The following USP14 variants were observed in gnomAD, a reference collection of about 807,000 sequenced individuals.
USP14 encodes ubiquitin specific peptidase 14, also known as ubiquitin carboxyl-terminal hydrolase 14.
In USP14, 38 loss-of-function variants were observed where a neutral mutation model predicts 76.5. The observed-to-expected ratio is 0.50, with a 90% confidence interval of 0.38 to 0.65. The LOEUF (loss-of-function observed/expected upper bound fraction) is 0.65, where lower values mean the gene tolerates loss of function less well. Ranked by LOEUF, USP14 falls within the 30% of genes least tolerant of loss-of-function variation. USP14 has a pLI of 0.00. For synonymous variants in USP14, 192 were observed against 191.7 expected (o/e 1.00, Z -0.01); for missense variants, 467 against 586.5 (o/e 0.80, Z 2.10).
In USP14 at chr18:204,631, T is replaced by G. The variant is rs1192535304; in HGVS notation, c.1103T>G (p.Val368Gly). The G allele has an allele frequency of 6.2e-7, 1 of 1,613,454 alleles. No homozygotes were observed. Among genetic ancestry groups the G allele is most frequent in the Admixed American group, 1.7e-5 (1 of 59,946 alleles). ...LCTPELQEKMVSFRSKFKDLE... is the reference protein window; with the variant it reads ...LCTPELQEKMGSFRSKFKDLE... ...ACACCAGAACTTCAAGAGAAAATGGTGTCTTTTCGATCCAAATTCAAGGAT... is the reference window on the plus strand; with the variant it reads ...ACACCAGAACTTCAAGAGAAAATGGGGTCTTTTCGATCCAAATTCAAGGAT... The change falls in exon 13 of 16, where the codon GTG (valine) becomes GGG (glycine). Residue 368 changes from valine (V) to glycine (G), a missense_variant. Val to Gly is a moderately radical substitution (Grantham distance 109). Coordinates refer to ENST00000261601, the MANE Select transcript of USP14 (RefSeq NM_005151.4).
In USP14 at chr18:163,430, A is replaced by G; in HGVS notation, c.139A>G (p.Met47Val). Residue 47 changes from methionine (M) to valine (V), a missense_variant, in exon 2 of 16, where the codon ATG becomes GTG. Coordinates refer to ENST00000261601, the MANE Select transcript of USP14 (RefSeq NM_005151.4). Reference sequence around the variant, plus strand: ...AGTCCAGCCTGCCAGACAGAAAGTTATGGTGAAAGGAGGAACGCTAAAGGT... The same window carrying G: ...AGTCCAGCCTGCCAGACAGAAAGTTGTGGTGAAAGGAGGAACGCTAAAGGT... Reference protein sequence around the residue: ...TGVQPARQKVMVKGGTLKDDD... With the variant: ...TGVQPARQKVVVKGGTLKDDD... 1.2e-6 allele frequency: 2 copies of G among 1,613,808 alleles called. No individual in the cohort carries two copies. Among genetic ancestry groups the G allele is most frequent in the Non-Finnish European group, 8.5e-7 (1 of 1,179,860 alleles).
intron 7 of USP14, 33 bp from the exon 8 acceptor site, chr18:197,583 G>T: frequency 1.9e-6 from 3 of 1,551,802 alleles, no homozygotes; most frequent in Non-Finnish European, 2.7e-6. Context: ...TTCACTGCCA[G>T]GATTACTTAC....
chr18:210,007 T>TATG lies in USP14; in HGVS notation c.1203_1205dup (p.Tyr401_Glu402insAsp). On this transcript the variant is annotated inframe_insertion, in exon 14 of 16. Transcript: ENST00000261601. ...GAGTAGTCCCCAGAAAGAAGTTAAG[T>TATG]ATGAACCCTTTTCTTTTGCTGATGG... The TATG allele has an allele frequency of 6.2e-7, 1 of 1,607,276 alleles. No individual in the cohort carries two copies. The highest frequency in any genetic ancestry group is 8.5e-7 in the Non-Finnish European group (1 of 1,177,586).
At chr18:176,538 C>T (rs1157903105) in intron 3 of USP14, among the ~76,000 whole-genome samples, 1 of 152,058 alleles carries the variant, frequency 6.6e-6, no homozygotes, top group African/African-American at 2.4e-5. Flanking sequence ...CTCTTTTGCT[C>T]ATTTTTGTAG....
chr18:158,857 C>G, intron 1 of USP14, 143 bp downstream of exon 1: 1 of 1,205,022 alleles, frequency 8.3e-7, no homozygotes, highest in Non-Finnish European at 1.0e-6. Flanking sequence ...GGAGATGACC[C>G]AGGCACCGTC....
At chr18:169,161 A>C (rs1003792376) in intron 3 of USP14, among the ~76,000 whole-genome samples, 1 of 151,380 alleles carries the variant, frequency 6.6e-6, no homozygotes, top group Non-Finnish European at 1.5e-5. Flanking sequence ...GAGGCCAAGG[A>C]TGGTGGATCA....
rs1232893379 is a variant in USP14 at position 214,525 on chromosome 18, A to G, written c.*3241A>G. The G allele has an allele frequency of 7.9e-6, 7 of 890,044 alleles. No homozygotes were observed. The East Asian group carries it at 1.5e-4, about 19-fold the overall frequency. The allele number at this position is 890,044 out of a possible 1,614,324, so 55.1% of individuals were successfully genotyped here. A position where few individuals can be genotyped will look rare whatever the true frequency, so the allele number is the denominator to read the frequency against. ...ACCAGCCGACTGTACAACAATTGTT[A>G]TAAAAATGTTTATTGTTTACCAAAA... On this transcript the variant is annotated 3_prime_UTR_variant, in exon 16 of 16. Coordinates refer to ENST00000261601, the MANE Select transcript of USP14 (RefSeq NM_005151.4).
At chr18:196,872 C>T in intron 7 of USP14, 105 bp downstream of exon 7, 3 of 1,393,018 alleles carry the variant, frequency 2.2e-6, no homozygotes, top group Non-Finnish European at 3.0e-6. Flanking sequence ...TCAGTCTTCT[C>T]TAGTTCATGC....
intron 3 of USP14, among the ~76,000 whole-genome samples, chr18:171,170 C>T (rs981580510): frequency 6.6e-6 from 1 of 151,248 alleles, no homozygotes; most frequent in Non-Finnish European, 1.5e-5. Flanking sequence ...GTAAGTTATC[C>T]AGAAGATCTA....
At chr18:196,194 T>C (rs535231400) in intron 6 of USP14, among the ~76,000 whole-genome samples, 2 of 151,722 alleles carry the variant, frequency 1.3e-5, no homozygotes, top group African/African-American at 2.4e-5. Context: ...CATGGTGGCA[T>C]GCTCCTGTAA....
intron 15 of USP14, 49 bp from the exon 16 acceptor site, chr18:211,084 A>C (rs763411345): frequency 6.3e-7 from 1 of 1,576,312 alleles, no homozygotes; most frequent in South Asian, 1.1e-5. Context: ...TGGAACTCTG[A>C]GACGAATCCT....
At chr18:161,467 G>A (rs1435723852) in intron 1 of USP14, among the ~76,000 whole-genome samples, 1 of 152,160 alleles carries the variant, frequency 6.6e-6, no homozygotes, top group Non-Finnish European at 1.5e-5. Flanking sequence ...TGATAACTCA[G>A]AAGTTAACAC....
intron 13 of USP14, among the ~76,000 whole-genome samples, chr18:206,828 G>A (rs184993102): frequency 6.6e-6 from 1 of 152,186 alleles, no homozygotes; most frequent in African/African-American, 2.4e-5. Flanking sequence ...TTGAACTGGG[G>A]AGGCAGAGGT....
chr18:174,118 T>A (rs1909554717), intron 3 of USP14, among the ~76,000 whole-genome samples: 1 of 152,186 alleles, frequency 6.6e-6, no homozygotes. Flanking sequence ...TGATTGGAAT[T>A]GCATTGAATC....
intron 5 of USP14, among the ~76,000 whole-genome samples, chr18:188,336 T>C (rs144652496): frequency 5.9e-4 from 90 of 152,256 alleles, no homozygotes; most frequent in African/African-American, 2.0e-3. Flanking sequence ...TCTCACTGGA[T>C]CTATTTGTGA....
chr18:209,586 G>C (rs1260553571), intron 13 of USP14, among the ~76,000 whole-genome samples: 1 of 152,122 alleles, frequency 6.6e-6, no homozygotes, highest in East Asian at 1.9e-4. Context: ...TTGTTTTAGA[G>C]GTAGTTGTTT....
At chr18:192,385 GA>G (rs1428772397) in intron 5 of USP14, among the ~76,000 whole-genome samples, 1 of 152,098 alleles carries the variant, frequency 6.6e-6, no homozygotes, top group African/African-American at 2.4e-5. Flanking sequence ...CCAACATGGT[GA>G]AACCCTGTCT....
At position 158,642 on chromosome 18, in the gene USP14, T is replaced by C; in HGVS notation, c.-57T>C. On this transcript the variant is annotated 5_prime_UTR_variant, in exon 1 of 16. Transcript: ENST00000261601. Reference sequence around the variant, plus strand: ...GCAGCTGCTCCTGGTCCCCGTCCCTTTGCCGCCCTCGTCAGGCCCAGCTCT... The same window carrying C: ...GCAGCTGCTCCTGGTCCCCGTCCCTCTGCCGCCCTCGTCAGGCCCAGCTCT... The C allele has an allele frequency of 6.6e-7, 1 of 1,508,050 alleles. No individual in the cohort carries two copies. Among genetic ancestry groups the C allele is most frequent in the Admixed American group, 2.0e-5 (1 of 49,124 alleles). 93.4% of individuals were successfully genotyped at this position (1,508,050 alleles called of 1,614,324 possible).
intron 10 of USP14, among the ~76,000 whole-genome samples, chr18:202,484 C>T (rs1426925851): frequency 6.6e-6 from 1 of 152,084 alleles, no homozygotes; most frequent in Admixed American, 6.6e-5. Context: ...ATGCATAAAA[C>T]GTAAAGAACA....
Sources: gnomAD v4.1 joint callset for allele counts (sites outside exome capture counted in the v4.1 genomes callset) on GRCh38, gnomAD v4.1.1 for gene constraint, MANE v1.5 for transcripts, NCBI Gene and HGNC (gene_info 2026-07-23, HGNC 2026-07-21) for gene names.